The following MORC1 variants were observed in gnomAD, a reference collection of about 807,000 sequenced individuals.
The protein encoded by MORC1 is MORC family CW-type zinc finger 1.
MORC1 carries 59 observed loss-of-function variants against 134.9 expected under a neutral mutation model. The observed-to-expected ratio is 0.44, with a 90% confidence interval of 0.35 to 0.54. The LOEUF (loss-of-function observed/expected upper bound fraction) is 0.54, where lower values mean the gene tolerates loss of function less well. Ranked by LOEUF, MORC1 falls within the 20% of genes least tolerant of loss-of-function variation. MORC1 has a pLI of 0.00. For synonymous variants in MORC1, 395 were observed against 391.7 expected (o/e 1.01, Z -0.10); for missense variants, 947 against 1,134.5 (o/e 0.83, Z 2.37).
At chr3:108,969,580 C>T in intron 26 of MORC1, 89 bp downstream of exon 26, 3 of 1,340,792 alleles carry the variant, frequency 2.2e-6, no homozygotes, top group Admixed American at 1.7e-5. Flanking sequence ...GATTTCCTTT[C>T]AAACCTAACA....
At chr3:109,085,403 A>T (rs902369524) in intron 8 of MORC1, among the ~76,000 whole-genome samples, 1 of 152,150 alleles carries the variant, frequency 6.6e-6, no homozygotes, top group Non-Finnish European at 1.5e-5. Flanking sequence ...AAGCTCAAAC[A>T]ACTCAATGGC....
At position 108,979,563 on chromosome 3, in the gene MORC1, T is replaced by C; in HGVS notation, c.2429A>G (p.Gln810Arg). Reference protein sequence around the residue: ...CKVASSPASSQSTPVKETVRK... With the variant: ...CKVASSPASSRSTPVKETVRK... Reference sequence around the variant, plus strand: ...CACTGTTTCCTTGACAGGTGTGCTTTGAGAAGACGCTGGCGAAGAAGCAAC... The same window carrying C: ...CACTGTTTCCTTGACAGGTGTGCTTCGAGAAGACGCTGGCGAAGAAGCAAC... Residue 810 changes from glutamine (Q) to arginine (R), a missense_variant, in exon 24 of 28, where the codon CAA (glutamine) becomes CGA (arginine). By Grantham distance (43) the Gln-to-Arg change is conservative. This residue lies in a region of MORC1 where 722 missense variants were observed against 817.0 expected (regional missense o/e 0.88). Transcript: ENST00000232603. 6.2e-7 allele frequency: 1 copy of C among 1,614,176 alleles called. No individual in the cohort carries two copies.
chr3:108,980,089 C>T (rs1947671229), intron 23 of MORC1, among the ~76,000 whole-genome samples: 1 of 151,938 alleles, frequency 6.6e-6, no homozygotes, highest in Admixed American at 6.6e-5. Context: ...ACCAAGTAGC[C>T]CCATTTTTCT....
At chr3:109,113,484 C>CA (rs1415756608) in intron 2 of MORC1, among the ~76,000 whole-genome samples, 1 of 151,752 alleles carries the variant, frequency 6.6e-6, no homozygotes, top group Non-Finnish European at 1.5e-5. Flanking sequence ...GGAACAAATG[C>CA]AAAAAAAGCT....
chr3:109,092,325 G>C (rs1336128562), intron 8 of MORC1, among the ~76,000 whole-genome samples: 1 of 152,208 alleles, frequency 6.6e-6, no homozygotes, highest in East Asian at 1.9e-4. Context: ...AATAAGGAGA[G>C]AAGGTAATCT....
chr3:109,106,637 T>A (rs1951044433), intron 3 of MORC1, among the ~76,000 whole-genome samples: 1 of 152,148 alleles, frequency 6.6e-6, no homozygotes, highest in South Asian at 2.1e-4. Context: ...AGTCAAAACC[T>A]CGGATCATCA....
chr3:109,099,389 T>C lies in MORC1; in HGVS notation c.392A>G (p.Gln131Arg), dbSNP rs1450617348. 6.2e-7 allele frequency: 1 copy of C among 1,612,262 alleles called. No homozygotes were observed. The highest frequency in any genetic ancestry group is 1.3e-5 in the African/African-American group (1 of 74,806). ...AAGACTTTCTTCTTCACAGAATGTCTGAGAAAAAAACACACAGGTCATCGT... is the reference window on the plus strand; with the variant it reads ...AAGACTTTCTTCTTCACAGAATGTCCGAGAAAAAAACACACAGGTCATCGT... The part of the protein sequence containing the change: ...EETMTCVFFS[Q>R]TFCEEESLSE... Residue 131 changes from glutamine (Q) to arginine (R), a missense_variant, in exon 6 of 28, where the codon CAG (glutamine) becomes CGG (arginine). Gln to Arg is a conservative substitution (Grantham distance 43). This residue lies in a region of MORC1 where 214 missense variants were observed against 281.3 expected (regional missense o/e 0.76). Coordinates refer to ENST00000232603, the MANE Select transcript of MORC1 (RefSeq NM_014429.4).
chr3:108,973,329 A>G (rs1035359273), intron 24 of MORC1, among the ~76,000 whole-genome samples: 5 of 152,134 alleles, frequency 3.3e-5, no homozygotes, highest in African/African-American at 9.7e-5. Context: ...ATACCATGTG[A>G]TAAATGCTTG....
chr3:109,001,576 A>G (rs1435928899), intron 20 of MORC1, among the ~76,000 whole-genome samples: 2 of 151,818 alleles, frequency 1.3e-5, no homozygotes, highest in East Asian at 3.9e-4. Flanking sequence ...TCTTCAAATC[A>G]CCCTTTTCCC....
intron 17 of MORC1, among the ~76,000 whole-genome samples, chr3:109,014,368 T>C (rs1948767690): frequency 1.3e-5 from 2 of 152,342 alleles, no homozygotes; most frequent in South Asian, 4.1e-4. Flanking sequence ...AAAATGTTGA[T>C]GATTGGCAGG....
At chr3:108,979,797 C>G in intron 23 of MORC1, 130 bp from the exon 24 acceptor site, 1 of 887,200 alleles carries the variant, frequency 1.1e-6, no homozygotes, top group South Asian at 2.1e-5. Flanking sequence ...ATGCCGAAAA[C>G]TGCCACCACT....
At chr3:109,031,469 A>G (rs78926553) in intron 16 of MORC1, among the ~76,000 whole-genome samples, 3,491 of 152,260 alleles carry the variant, frequency 0.023, 65 homozygotes, top group Non-Finnish European at 0.036. Context: ...AGACTATATG[A>G]AAGTTCTTAG....
intron 13 of MORC1, among the ~76,000 whole-genome samples, chr3:109,055,277 A>T (rs2290060): frequency 0.16 from 24,222 of 152,162 alleles, 2,170 homozygotes; most frequent in African/African-American, 0.23. Context: ...ATTTCATCTA[A>T]CAGATTGGAT....
intron 8 of MORC1, among the ~76,000 whole-genome samples, chr3:109,086,033 T>G (rs1359032188): frequency 6.6e-6 from 1 of 152,026 alleles, no homozygotes; most frequent in Non-Finnish European, 1.5e-5. Context: ...ATGTAGGAGC[T>G]TAAAAAGTGA....
At chr3:108,986,513 G>A (rs996978077) in intron 22 of MORC1, among the ~76,000 whole-genome samples, 1 of 152,076 alleles carries the variant, frequency 6.6e-6, no homozygotes, top group Non-Finnish European at 1.5e-5. Flanking sequence ...ATGAAAAAAC[G>A]GGGACTGTCA....
chr3:108,988,469 A>G (rs1201779189), intron 21 of MORC1, among the ~76,000 whole-genome samples: 2 of 152,164 alleles, frequency 1.3e-5, no homozygotes, highest in African/African-American at 4.8e-5. Flanking sequence ...TTTACTTCTG[A>G]TTAACATAAA....
intron 14 of MORC1, among the ~76,000 whole-genome samples, chr3:109,040,427 GGAAAGAAAGAAA>G (rs1214249386): frequency 9.1e-4 from 44 of 48,384 alleles, no homozygotes; most frequent in South Asian, 1.0e-3. Context: ...AAGGAAGGAA[GGAAAGAAAGAAA>G]GAAAGAAAGA....
chr3:109,052,590 C>G (rs147132061), intron 14 of MORC1, among the ~76,000 whole-genome samples: 20 of 152,126 alleles, frequency 1.3e-4, no homozygotes, highest in African/African-American at 4.8e-4. Context: ...TGAGTTCCTA[C>G]GCTTTTCCGT....
At chr3:108,995,309 A>T (rs74794739) in intron 21 of MORC1, among the ~76,000 whole-genome samples, 4,774 of 151,750 alleles carry the variant, frequency 0.031, 232 homozygotes, top group African/African-American at 0.11. Flanking sequence ...GGTGTGATTT[A>T]AAAAAAATTC....
Sources: gnomAD v4.1 joint callset for allele counts (sites outside exome capture counted in the v4.1 genomes callset) on GRCh38, gnomAD v4.1.1 for gene constraint, gnomAD v4.1.1 regional missense constraint, MANE v1.5 for transcripts, NCBI Gene and HGNC (gene_info 2026-07-23, HGNC 2026-07-21) for gene names.